AGAP3: variants seen among roughly 807,000 people sequenced by gnomAD.
AGAP3 encodes the protein arf-GAP with GTPase, ANK repeat and PH domain-containing protein 3.
A neutral mutation model predicts 96.9 loss-of-function variants in AGAP3; 24 were observed. That is an observed-to-expected ratio of 0.25 (90% confidence interval 0.18 to 0.35). AGAP3 has a LOEUF of 0.35. AGAP3 is among the 10% of genes least tolerant of loss of function. The pLI, the probability that AGAP3 is intolerant of heterozygous loss-of-function variation, is 1.00. For synonymous variants in AGAP3, 563 were observed against 536.1 expected (o/e 1.05, Z -0.69); for missense variants, 876 against 1,254.2 (o/e 0.70, Z 4.55).
rs1211568962 is a variant in AGAP3, at chr7:151,114,453, C to A, written c.332-2340C>A. ...ACAGCTCCTCACCTACCTGCCGGAT[C>A]CTAGGAGGCGCCCTGGGCTGGAATT... is the stretch of plus-strand genomic sequence containing the variant. On this transcript the variant is annotated intron_variant, in intron 1 of 17. Transcript: ENST00000397238. This position sits in a 1 kb window ranked among gnomAD's most constrained non-coding sequence, Gnocchi z 4.4. Among the ~76,000 whole-genome samples the A allele has an allele frequency of 6.6e-6, 1 of 152,212 alleles. No individual in the cohort carries two copies. Among genetic ancestry groups the A allele is most frequent in the Non-Finnish European group, 1.5e-5 (1 of 68,024 alleles).
rs1799459476 is a variant in AGAP3, at chr7:151,114,735, CGCCATGG to C, written c.332-2054_332-2048del. 1 of 1,011,148 alleles carries C rather than the reference CGCCATGG, an allele frequency of 9.9e-7. No individual in the cohort carries two copies. The highest frequency in any genetic ancestry group is 1.7e-5 in the African/African-American group (1 of 57,378). The allele number at this position is 1,011,148 out of a possible 1,614,324, so 62.6% of individuals were successfully genotyped here. A position where few individuals can be genotyped will look rare whatever the true frequency, so the allele number is the denominator to read the frequency against. On this transcript the variant is annotated intron_variant, in intron 1 of 17. Transcript: ENST00000397238. The surrounding 1 kb of genome is among the most constrained non-coding windows in gnomAD (Gnocchi z 4.4). ...GGCCCGGGCCCAGCCCCGTGCCCCTCGCCATGGGCCTGGCCCGCGCCCGCCGGCCCTG... is the reference window on the plus strand; with the variant it reads ...GGCCCGGGCCCAGCCCCGTGCCCCTCGCCTGGCCCGCGCCCGCCGGCCCTG...
At chr7:151,106,492 GT>G (rs1445323429) in intron 1 of AGAP3, among the ~76,000 whole-genome samples, 2 of 151,584 alleles carry the variant, frequency 1.3e-5, no homozygotes, top group African/African-American at 4.8e-5. Context: ...GCTTTTTTTT[GT>G]TTTTAAGATG....
Position 151,128,575 on chromosome 7 carries a change from C to G in AGAP3, c.1222-5C>G. 1 of 1,613,396 alleles carries G rather than the reference C, an allele frequency of 6.2e-7. No homozygotes were observed. The highest frequency in any genetic ancestry group is 8.5e-7 in the Non-Finnish European group (1 of 1,179,654). On this transcript the variant is annotated splice_polypyrimidine_tract_variant and splice_region_variant and intron_variant, in intron 9 of 17. Coordinates refer to ENST00000397238, the MANE Select transcript of AGAP3 (RefSeq NM_031946.7). ...CCTGGTTTCTGATCAGACCTCTGTTCTCAGGGGATCCTGCTAAAGCGGAGC... is the reference window on the plus strand; with the variant it reads ...CCTGGTTTCTGATCAGACCTCTGTTGTCAGGGGATCCTGCTAAAGCGGAGC...
Position 151,118,147 on chromosome 7 carries a change from C to T in AGAP3, c.707-63C>T. The T allele has an allele frequency of 4.5e-6, 7 of 1,551,864 alleles. No individual in the cohort carries two copies. Among genetic ancestry groups the T allele is most frequent in the Non-Finnish European group, 5.2e-6 (6 of 1,143,822 alleles). On this transcript the variant is annotated intron_variant, in intron 5 of 17. Transcript: ENST00000397238. This position sits in a 1 kb window ranked among gnomAD's most constrained non-coding sequence, Gnocchi z 6.1. The stretch of plus-strand genomic sequence containing the variant: ...CACACCTGCCCTTGGGCCAAATGCC[C>T]CCCACCACACTACCCCAGCTTCTCC...
intron 1 of AGAP3, among the ~76,000 whole-genome samples, chr7:151,110,471 T>G (rs572285362): frequency 6.6e-6 from 1 of 150,866 alleles, no homozygotes; most frequent in South Asian, 2.1e-4. Flanking sequence ...GGGGAGGGTG[T>G]CAGGTGAGAG....
intron 1 of AGAP3, chr7:151,087,281 T>G: frequency 1.7e-6 from 1 of 603,652 alleles, no homozygotes; most frequent in South Asian, 1.9e-5. Flanking sequence ...GTTGGGGGTT[T>G]TCTGCTGACT....
chr7:151,106,401 C>T (rs1360278124), intron 1 of AGAP3, among the ~76,000 whole-genome samples: 3 of 152,114 alleles, frequency 2.0e-5, no homozygotes, highest in East Asian at 1.9e-4. Flanking sequence ...GGCACAACCT[C>T]GGCTCACTGC....
At chr7:151,123,137 TC>T (rs2150492957) in intron 8 of AGAP3, 2 of 1,090,892 alleles carry the variant, frequency 1.8e-6, no homozygotes, top group East Asian at 7.2e-5. Flanking sequence ...TTCCTGCCCC[TC>T]CCCTCCTCTG....
rs991390443 is a variant in AGAP3 at position 151,133,401 on chromosome 7, G to C, written c.1327-999G>C. On this transcript the variant is annotated intron_variant, in intron 10 of 17. Transcript: ENST00000397238. The surrounding 1 kb of genome is among the most constrained non-coding windows in gnomAD (Gnocchi z 5.4). ...GGCTGGAAGCAGGAGGCCCAGCGGG[G>C]CTCCAGGCCAGGAAGCGGCAGGCTC... is the stretch of plus-strand genomic sequence containing the variant. Among the ~76,000 whole-genome samples, 10 of 152,206 alleles carry C rather than the reference G, an allele frequency of 6.6e-5. No homozygotes were observed. Among genetic ancestry groups the C allele is most frequent in the African/African-American group, 2.4e-4 (10 of 41,460 alleles).
intron 1 of AGAP3, among the ~76,000 whole-genome samples, chr7:151,090,939 GTC>G (rs1798372232): frequency 6.6e-6 from 1 of 151,968 alleles, no homozygotes; most frequent in South Asian, 2.1e-4. Flanking sequence ...GCAAGACTCC[GTC>G]TCAAAAAAAA....
At chr7:151,110,645 G>A (rs1799240513) in intron 1 of AGAP3, among the ~76,000 whole-genome samples, 1 of 152,018 alleles carries the variant, frequency 6.6e-6, no homozygotes, top group Non-Finnish European at 1.5e-5. Flanking sequence ...GGCAGTGGTG[G>A]TGATGGAGGC....
intron 10 of AGAP3, 80 bp from the exon 11 acceptor site, chr7:151,134,320 A>G (rs1158072282): frequency 1.3e-6 from 2 of 1,489,002 alleles, no homozygotes; most frequent in Non-Finnish European, 1.9e-6. Flanking sequence ...CAGCAGGGAG[A>G]GACCTAGGAG....
chr7:151,086,746 A>G lies in AGAP3; in HGVS notation c.5A>G (p.Asn2Ser). The change falls in exon 1 of 18, where the codon AAC (asparagine) becomes AGC (serine). Residue 2 changes from asparagine to serine, a missense_variant. Asn to Ser is a conservative substitution (Grantham distance 46). Transcript: ENST00000397238. ...GGGCCCCACGGCTCCGAAGCCATGA[A>G]CTTCCAGGCGGGCGGGGGGCAGAGC... MNFQAGGGQSPQ... is the reference protein window; with the variant it reads MSFQAGGGQSPQ... The G allele has an allele frequency of 1.0e-6, 1 of 956,638 alleles. No homozygotes were observed. Among genetic ancestry groups the G allele is most frequent in the Non-Finnish European group, 1.2e-6 (1 of 810,522 alleles). 59.3% of individuals were successfully genotyped at this position (956,638 alleles called of 1,614,324 possible).
rs919506262 is a variant in AGAP3, at chr7:151,116,571, C to A, written c.332-222C>A. ...AACCAGGGGGACTGAGCCCACAGCCCTCAGAGTCCTGTTCTGAAGACCATC... is the reference window on the plus strand; with the variant it reads ...AACCAGGGGGACTGAGCCCACAGCCATCAGAGTCCTGTTCTGAAGACCATC... On this transcript the variant is annotated intron_variant, in intron 1 of 17. Transcript: ENST00000397238. 7 of 575,266 alleles carry A rather than the reference C, an allele frequency of 1.2e-5. No individual in the cohort carries two copies. The African/African-American group carries it at 1.3e-4, about 11-fold the overall frequency. The allele number at this position is 575,266 out of a possible 1,614,324, so 35.6% of individuals were successfully genotyped here.
chr7:151,095,353 A>G (rs1798559108), intron 1 of AGAP3, among the ~76,000 whole-genome samples: 1 of 152,230 alleles, frequency 6.6e-6, no homozygotes, highest in African/African-American at 2.4e-5. Context: ...CCGTAGCCCC[A>G]GATGGCTGTA....
In AGAP3 at chr7:151,142,771, T is replaced by TG; in HGVS notation, c.2273+142dup. 2 of 940,114 alleles carry TG rather than the reference T, an allele frequency of 2.1e-6. No homozygotes were observed. Among genetic ancestry groups the TG allele is most frequent in the Non-Finnish European group, 3.1e-6 (2 of 637,636 alleles). The allele number at this position is 940,114 out of a possible 1,614,324, so 58.2% of individuals were successfully genotyped here. ...TTGCTCTGCTTGGCAGTTGGCCCCT[T>TG]GGGGGTGCCCCTCCTGCTCTGGTGC... On this transcript the variant is annotated intron_variant, in intron 16 of 17. Transcript: ENST00000397238. This position sits in a 1 kb window ranked among gnomAD's most constrained non-coding sequence, Gnocchi z 7.5.
At chr7:151,138,960 G>A (rs755720387) in intron 12 of AGAP3, among the ~76,000 whole-genome samples, 6 of 152,132 alleles carry the variant, frequency 3.9e-5, no homozygotes, top group South Asian at 4.1e-4. Flanking sequence ...GGGCTCTTCC[G>A]TTTGCCCCTT....
chr7:151,095,018 C>T (rs1241062154), intron 1 of AGAP3, among the ~76,000 whole-genome samples: 2 of 151,624 alleles, frequency 1.3e-5, no homozygotes, highest in African/African-American at 4.8e-5. Context: ...GGGACTCAGG[C>T]ATGTGTCACC....
At position 151,087,017 on chromosome 7, in the gene AGAP3, C is replaced by T. The variant is rs1798182880; in HGVS notation, c.276C>T (p.Arg92=). 6.2e-7 allele frequency: 1 copy of T among 1,613,050 alleles called. No homozygotes were observed. The highest frequency in any genetic ancestry group is 8.5e-7 in the Non-Finnish European group (1 of 1,179,590). Residue 92 remains arginine, a synonymous_variant, in exon 1 of 18, where the codon CGC becomes CGT. Coordinates refer to ENST00000397238, the MANE Select transcript of AGAP3 (RefSeq NM_031946.7). ...ACGCCATCTACGACCTGATCGAGCG[C>T]ATCGAGGATTTGGCGCTGCAGAACC... is the stretch of plus-strand genomic sequence containing the variant. ...NIYAIYDLIE[R]IEDLALQNQI...
Sources: gnomAD v4.1 joint callset for allele counts (sites outside exome capture counted in the v4.1 genomes callset) on GRCh38, gnomAD v4.1.1 for gene constraint, Gnocchi (gnomAD v3.1) non-coding constraint, MANE v1.5 for transcripts, NCBI Gene and HGNC (gene_info 2026-07-23, HGNC 2026-07-21) for gene names.